The following STRN variants were observed in gnomAD, a reference collection of about 807,000 sequenced individuals.
STRN encodes striatin.
Under a neutral mutation model 96.3 loss-of-function variants are expected in STRN, and 53 were observed. The observed-to-expected ratio is 0.55, with a 90% CI of 0.44 to 0.69. The LOEUF (loss-of-function observed/expected upper bound fraction) is 0.69. STRN is among the 30% of genes least tolerant of loss of function. The pLI, the probability that STRN is intolerant of heterozygous loss-of-function variation, is 0.00. For missense variants in STRN, 987 were observed against 963.9 expected (o/e 1.02, Z -0.32); for synonymous variants, 428 against 355.9 (o/e 1.20, Z -2.28).
At chr2:36,960,118 T>A (rs1013379072) in intron 1 of STRN, among the ~76,000 whole-genome samples, 1 of 152,182 alleles carries the variant, frequency 6.6e-6, no homozygotes, top group African/African-American at 2.4e-5. Context: ...CTGCTCCACA[T>A]GTAAAGGAAG....
chr2:36,948,863 T>TCC (rs1664680303), intron 1 of STRN, among the ~76,000 whole-genome samples: 2 of 152,174 alleles, frequency 1.3e-5, no homozygotes, highest in African/African-American at 4.8e-5. Context: ...TATATAAATC[T>TCC]ACAAGGTGGT....
chr2:36,935,036 C>T (rs1670668198), intron 1 of STRN, among the ~76,000 whole-genome samples: 1 of 152,182 alleles, frequency 6.6e-6, no homozygotes, highest in Non-Finnish European at 1.5e-5. Flanking sequence ...TGAGACTACA[C>T]CACTGTGCTC....
chr2:36,855,945 G>A (rs1052217283), intron 14 of STRN, among the ~76,000 whole-genome samples: 11 of 151,930 alleles, frequency 7.2e-5, no homozygotes, highest in African/African-American at 2.4e-4. Context: ...AACATATAAA[G>A]TGAATATAAT....
chr2:36,863,180 G>A (rs888047012), intron 12 of STRN, among the ~76,000 whole-genome samples: 1 of 151,766 alleles, frequency 6.6e-6, no homozygotes, highest in African/African-American at 2.4e-5. Context: ...GTTAAATTAG[G>A]TCCCATTTGT....
chr2:36,917,538 G>GAAAAAAAAAAAAAAAAAAAAA (rs576754026), intron 2 of STRN, among the ~76,000 whole-genome samples: 3 of 88,508 alleles, frequency 3.4e-5, no homozygotes, highest in African/African-American at 3.4e-5. Flanking sequence ...ACAAAAAAAA[G>GAAAAAAAAAAAAAAAAAAAAA]AAAAAAAAAA....
Position 36,894,044 on chromosome 2 carries a change from A to C in STRN, c.796-11T>G. ...TTTTTTCCTAACAATCTAATGAAAAAACATGCTAAATTAAATAAAGGAGAT... is the reference window on the plus strand; with the variant it reads ...TTTTTTCCTAACAATCTAATGAAAACACATGCTAAATTAAATAAAGGAGAT... On this transcript the variant is annotated splice_polypyrimidine_tract_variant and intron_variant, in intron 6 of 17. Coordinates refer to ENST00000263918, the MANE Select transcript of STRN (RefSeq NM_003162.4). 1 of 1,606,194 alleles carries C rather than the reference A, an allele frequency of 6.2e-7. No individual in the cohort carries two copies. The highest frequency in any genetic ancestry group is 8.5e-7 in the Non-Finnish European group (1 of 1,178,164).
Position 36,897,537 on chromosome 2 carries a change from G to A in STRN, c.795+1986C>T, listed in dbSNP as rs548638820. Among the ~76,000 whole-genome samples the A allele has an allele frequency of 1.1e-4, 16 of 151,578 alleles. 2 individuals are homozygous for A. The South Asian group carries it at 2.9e-3, about 28-fold the overall frequency. ...TGCAAGCTCTGCCTCCTGGGTTCACGCCATTCTCCTGCCTCAGCCTCCCGA... is the reference window on the plus strand; with the variant it reads ...TGCAAGCTCTGCCTCCTGGGTTCACACCATTCTCCTGCCTCAGCCTCCCGA... On this transcript the variant is annotated intron_variant, in intron 6 of 17. Transcript: ENST00000263918.
In STRN at chr2:36,916,042, T is replaced by C. The variant is rs374077114; in HGVS notation, c.412+36A>G. On this transcript the variant is annotated intron_variant, in intron 3 of 17. Coordinates refer to ENST00000263918, the MANE Select transcript of STRN (RefSeq NM_003162.4). ...CTAGAAAATACTAGACATTAACTTC[T>C]TTTTAACACTTAAACTTCCATTAAA... The C allele has an allele frequency of 5.1e-6, 8 of 1,560,094 alleles. No homozygotes were observed. In the Admixed American group the frequency reaches 1.3e-4, roughly 26 times the overall value.
At chr2:36,904,850 A>C (rs1198402914) in intron 4 of STRN, among the ~76,000 whole-genome samples, 1 of 152,182 alleles carries the variant, frequency 6.6e-6, no homozygotes, top group African/African-American at 2.4e-5. Context: ...GAATGAATGA[A>C]TGAATGAATG....
At chr2:36,869,870 A>G (rs1668719839) in intron 10 of STRN, 141 bp from the exon 11 acceptor site, 7 of 646,256 alleles carry the variant, frequency 1.1e-5, no homozygotes, top group Non-Finnish European at 1.6e-5. Flanking sequence ...TTTATATGTA[A>G]ATAACCAAAC....
intron 1 of STRN, among the ~76,000 whole-genome samples, chr2:36,965,541 G>C (rs1321505937): frequency 6.6e-6 from 1 of 152,102 alleles, no homozygotes; most frequent in Non-Finnish European, 1.5e-5. Flanking sequence ...TTCAGATTCT[G>C]AGAACAGGAA....
intron 3 of STRN, among the ~76,000 whole-genome samples, chr2:36,909,403 T>C (rs919892532): frequency 6.6e-6 from 1 of 152,224 alleles, no homozygotes; most frequent in Non-Finnish European, 1.5e-5. Flanking sequence ...TCCTGTCAAA[T>C]TAGGGTAACA....
chr2:36,849,660 C>A (rs1325654366), intron 17 of STRN, 35 bp from the exon 18 acceptor site: 16 of 1,612,158 alleles, frequency 9.9e-6, no homozygotes, highest in Non-Finnish European at 1.3e-5. Context: ...GGAAAAATTA[C>A]ATTAACATGA....
At chr2:36,953,426 G>A (rs1172102527) in intron 1 of STRN, among the ~76,000 whole-genome samples, 1 of 121,758 alleles carries the variant, frequency 8.2e-6, no homozygotes, top group Non-Finnish European at 1.6e-5. Flanking sequence ...TTTTGGAAAT[G>A]CAGTCTTGCT....
chr2:36,921,970 C>G (rs1670271458), intron 2 of STRN, among the ~76,000 whole-genome samples: 1 of 151,986 alleles, frequency 6.6e-6, no homozygotes, highest in Non-Finnish European at 1.5e-5. Context: ...TAGACTATAT[C>G]AGATAATAGA....
chr2:36,915,869 G>A (rs1442957267), intron 3 of STRN, among the ~76,000 whole-genome samples: 1 of 152,140 alleles, frequency 6.6e-6, no homozygotes, highest in Non-Finnish European at 1.5e-5. Context: ...GCAGAAAATG[G>A]GGAACTAAAA....
chr2:36,882,064 T>C (rs961528216), intron 9 of STRN, among the ~76,000 whole-genome samples: 3 of 152,196 alleles, frequency 2.0e-5, no homozygotes, highest in African/African-American at 7.2e-5. Flanking sequence ...AGTGCTATAA[T>C]TGACTCTAAC....
intron 1 of STRN, among the ~76,000 whole-genome samples, chr2:36,964,272 GTTT>G (rs1396593481): frequency 7.5e-6 from 1 of 132,962 alleles, no homozygotes; most frequent in African/African-American, 2.9e-5. Flanking sequence ...TTTTGTTTTT[GTTT>G]TTTTTTTTTT....
At chr2:36,900,575 A>C (rs1669656098) in intron 5 of STRN, among the ~76,000 whole-genome samples, 1 of 152,198 alleles carries the variant, frequency 6.6e-6, no homozygotes, top group Non-Finnish European at 1.5e-5. Context: ...TATGACTTGA[A>C]TTTAGTTCCC....
Sources: gnomAD v4.1 joint callset for allele counts (sites outside exome capture counted in the v4.1 genomes callset) on GRCh38, gnomAD v4.1.1 for gene constraint, MANE v1.5 for transcripts, NCBI Gene and HGNC (gene_info 2026-07-23, HGNC 2026-07-21) for gene names.